The following ADAM12 variants were observed in gnomAD, a reference collection of about 807,000 sequenced individuals.
ADAM12 encodes ADAM metallopeptidase domain 12, also known as disintegrin and metalloproteinase domain-containing protein 12.
A neutral mutation model predicts 106.4 loss-of-function variants in ADAM12; 70 were observed. The ratio of observed to expected loss-of-function variants is 0.66; its 90% confidence interval spans 0.54 to 0.80. The LOEUF (loss-of-function observed/expected upper bound fraction) is 0.80, where lower values mean the gene tolerates loss of function less well. Among genes scored for constraint, ADAM12 ranks in the 30% least tolerant of loss-of-function variants. The pLI, the probability that ADAM12 is intolerant of heterozygous loss-of-function variation, is 0.00. For synonymous variants in ADAM12, 420 were observed against 433.5 expected (o/e 0.97, Z 0.39); for missense variants, 1,010 against 1,171.9 (o/e 0.86, Z 2.02).
At position 126,013,558 on chromosome 10, in the gene ADAM12, G is replaced by A. The variant is rs1198907050; in HGVS notation, c.*3721C>T. ...TGGGCTTTGGGCATCCCTTGGGTGG[G>A]CCTTGTAGGGATAGCCACACACTGC... On this transcript the variant is annotated 3_prime_UTR_variant, in exon 23 of 23. Coordinates refer to ENST00000448723, the MANE Select transcript of ADAM12 (RefSeq NM_001288973.2). The surrounding 1 kb of genome is among the most constrained non-coding windows in gnomAD (Gnocchi z 4.3). The A allele has an allele frequency of 6.6e-6, 1 of 152,250 alleles. No individual in the cohort carries two copies. Among genetic ancestry groups the A allele is most frequent in the Non-Finnish European group, 1.5e-5 (1 of 68,090 alleles). 9.4% of individuals were successfully genotyped at this position (152,250 alleles called of 1,614,324 possible). A position where few individuals can be genotyped will look rare whatever the true frequency, so the allele number is the denominator to read the frequency against.
chr10:126,318,668 GC>G (rs1446805081), intron 2 of ADAM12, among the ~76,000 whole-genome samples: 1 of 152,098 alleles, frequency 6.6e-6, no homozygotes, highest in Non-Finnish European at 1.5e-5. Context: ...ACTCTCAATA[GC>G]CAAAGTAGGA....
At chr10:126,367,033 G>GT (rs1432472365) in intron 1 of ADAM12, among the ~76,000 whole-genome samples, 1 of 151,988 alleles carries the variant, frequency 6.6e-6, no homozygotes, top group Non-Finnish European at 1.5e-5. Flanking sequence ...AAAAATATTA[G>GT]TAAGCTTAAT....
At position 126,143,419 on chromosome 10, in the gene ADAM12, A is replaced by G. The variant is rs1371410880; in HGVS notation, c.340-7759T>C. Among the ~76,000 whole-genome samples, 4 of 143,640 alleles carry G rather than the reference A, an allele frequency of 2.8e-5. No individual in the cohort carries two copies. In the Admixed American group the frequency reaches 2.8e-4, roughly 10 times the overall value. 94.2% of individuals were successfully genotyped at this position (143,640 alleles called of 152,430 possible). ...TTGTATATGGTGTGCAGATGTGTGA[A>G]TGTGTGTATATGTATGTGTGTATAT... is the stretch of plus-strand genomic sequence containing the variant. On this transcript the variant is annotated intron_variant, in intron 4 of 22. Transcript: ENST00000448723.
intron 2 of ADAM12, among the ~76,000 whole-genome samples, chr10:126,325,673 C>T (rs575596348): frequency 2.7e-4 from 41 of 152,148 alleles, no homozygotes; most frequent in Non-Finnish European, 5.6e-4. Context: ...ATTCAAAGGC[C>T]GAGCTCAAGT....
chr10:126,294,365 G>A (rs2133786176), intron 2 of ADAM12, among the ~76,000 whole-genome samples: 1 of 152,326 alleles, frequency 6.6e-6, no homozygotes, highest in East Asian at 1.9e-4. Context: ...ATGATCAGAA[G>A]TGTGTGATCA....
chr10:126,264,589 G>A (rs145766023), intron 3 of ADAM12, among the ~76,000 whole-genome samples: 61 of 152,238 alleles, frequency 4.0e-4, no homozygotes, highest in Non-Finnish European at 5.7e-4. Context: ...TTAGACAAAC[G>A]CCCTCGTTTT....
intron 3 of ADAM12, among the ~76,000 whole-genome samples, chr10:126,189,485 C>T (rs77546431): frequency 0.033 from 4,953 of 152,284 alleles, 296 homozygotes; most frequent in East Asian, 0.22. Flanking sequence ...ACAGCAGCCA[C>T]AAGTACGGCT....
intron 3 of ADAM12, among the ~76,000 whole-genome samples, chr10:126,250,234 C>G (rs1170124605): frequency 6.6e-6 from 1 of 152,164 alleles, no homozygotes; most frequent in Non-Finnish European, 1.5e-5. Flanking sequence ...CAACAAATAT[C>G]CCTCCAGAGC....
At position 126,325,443 on chromosome 10, in the gene ADAM12, C is replaced by T. The variant is rs186759203; in HGVS notation, c.186+4969G>A. On this transcript the variant is annotated intron_variant, in intron 2 of 22. Coordinates refer to ENST00000448723, the MANE Select transcript of ADAM12 (RefSeq NM_001288973.2). ...GTTATTGGAGGGGAGAGCAGGGCTC[C>T]GTTTTCTCAGCTGTAAAAAAAGGCA... Among the ~76,000 whole-genome samples, 308 of 152,232 alleles carry T rather than the reference C, an allele frequency of 2.0e-3. 3 individuals carry two copies. The highest frequency in any genetic ancestry group is 7.1e-3 in the African/African-American group (294 of 41,526).
chr10:126,169,411 T>C (rs897538691), intron 3 of ADAM12, among the ~76,000 whole-genome samples: 5 of 152,354 alleles, frequency 3.3e-5, no homozygotes, highest in Admixed American at 3.3e-4. Flanking sequence ...GCAGAGTCTG[T>C]CTGGGTCCCT....
In ADAM12 at chr10:126,056,706, GT is replaced by G. The variant is rs926005227; in HGVS notation, c.1610-7038del. On this transcript the variant is annotated intron_variant, in intron 14 of 22. Coordinates refer to ENST00000448723, the MANE Select transcript of ADAM12 (RefSeq NM_001288973.2). Reference sequence around the variant, plus strand: ...TATGAGTGAGAATATGCGGTGTTTGGTTTTTTGTTCTTGCGATAGTTTACTG... The same window carrying G: ...TATGAGTGAGAATATGCGGTGTTTGGTTTTTGTTCTTGCGATAGTTTACTG... Among the ~76,000 whole-genome samples the G allele has an allele frequency of 6.0e-5, 2 of 33,324 alleles. 1 individual carries two copies. Among genetic ancestry groups the G allele is most frequent in the Non-Finnish European group, 1.4e-4 (2 of 13,964 alleles). 21.9% of individuals were successfully genotyped at this position (33,324 alleles called of 152,430 possible). A position where few individuals can be genotyped will look rare whatever the true frequency, so the allele number is the denominator to read the frequency against.
intron 2 of ADAM12, among the ~76,000 whole-genome samples, chr10:126,323,425 A>G (rs1854177498): frequency 6.6e-6 from 1 of 152,246 alleles, no homozygotes; most frequent in South Asian, 2.1e-4. Flanking sequence ...AGAAGGTAGC[A>G]TTCTATCAGC....
rs1955838335 is a variant in ADAM12 at position 126,109,857 on chromosome 10, T to C, written c.604-17A>G. On this transcript the variant is annotated splice_polypyrimidine_tract_variant and intron_variant, in intron 6 of 22. Coordinates refer to ENST00000448723, the MANE Select transcript of ADAM12 (RefSeq NM_001288973.2). ...TCTTTTATGCTGCCAAGAGTAAACA[T>C]GCACTTAATCTCTCTTAATGCCTCT... 6.2e-7 allele frequency: 1 copy of C among 1,610,966 alleles called. No homozygotes were observed. Among genetic ancestry groups the C allele is most frequent in the Non-Finnish European group, 8.5e-7 (1 of 1,178,654 alleles).
At chr10:126,040,501 A>AC (rs1954141390) in intron 18 of ADAM12, among the ~76,000 whole-genome samples, 1 of 151,950 alleles carries the variant, frequency 6.6e-6, no homozygotes, top group Non-Finnish European at 1.5e-5. Context: ...TGGTTTCTGG[A>AC]CCCCATCCCC....
intron 18 of ADAM12, chr10:126,041,269 C>T (rs917273592): frequency 2.1e-6 from 2 of 941,630 alleles, no homozygotes; most frequent in South Asian, 9.8e-5. Context: ...CATGGCCAGG[C>T]CAGGGAGCAG....
chr10:126,084,407 A>G (rs910833330), intron 11 of ADAM12, among the ~76,000 whole-genome samples: 6 of 152,176 alleles, frequency 3.9e-5, no homozygotes, highest in African/African-American at 1.2e-4. Context: ...GCAAGAAATG[A>G]CTGCTGAATT....
At chr10:126,238,472 C>T (rs1958462777) in intron 3 of ADAM12, among the ~76,000 whole-genome samples, 1 of 152,052 alleles carries the variant, frequency 6.6e-6, no homozygotes, top group Admixed American at 6.6e-5. Context: ...GAGCAAAACT[C>T]CATCTCAAAC....
intron 3 of ADAM12, among the ~76,000 whole-genome samples, chr10:126,192,660 T>A (rs968260179): frequency 6.6e-6 from 1 of 152,178 alleles, no homozygotes; most frequent in Non-Finnish European, 1.5e-5. Flanking sequence ...GTAGATGGGA[T>A]CCCCCTCGGG....
chr10:126,196,467 C>A (rs1006693398), intron 3 of ADAM12, among the ~76,000 whole-genome samples: 1 of 152,166 alleles, frequency 6.6e-6, no homozygotes, highest in Non-Finnish European at 1.5e-5. Flanking sequence ...ATGTGAGAGC[C>A]ATGGCTTTAA....
Sources: gnomAD v4.1 joint callset for allele counts (sites outside exome capture counted in the v4.1 genomes callset) on GRCh38, gnomAD v4.1.1 for gene constraint, Gnocchi (gnomAD v3.1) non-coding constraint, MANE v1.5 for transcripts, NCBI Gene and HGNC (gene_info 2026-07-23, HGNC 2026-07-21) for gene names.